Variants in UBOX5 observed in about 807,000 individuals in gnomAD.
UBOX5 encodes RING finger protein 37.
In UBOX5, 28 loss-of-function variants were observed where a neutral mutation model predicts 39.0. The ratio of observed to expected loss-of-function variants is 0.72; its 90% CI spans 0.53 to 0.98. The LOEUF is 0.98. Ranked by LOEUF, UBOX5 falls within the 50% of genes least tolerant of loss-of-function variation. The probability of loss-of-function intolerance (pLI) is 0.00; values close to 1 mark genes in which losing one functional copy is unlikely to be tolerated. For synonymous variants in UBOX5, 283 were observed against 275.5 expected (o/e 1.03, Z -0.27); for missense variants, 585 against 674.4 (o/e 0.87, Z 1.47).
intron 1 of UBOX5, among the ~76,000 whole-genome samples, chr20:3,154,364 A>T (rs1034460833): frequency 6.6e-5 from 10 of 152,250 alleles, no homozygotes; most frequent in Admixed American, 2.0e-4. Flanking sequence ...GCCAGGGAAG[A>T]CAAAAAAGTT....
intron 4 of UBOX5, among the ~76,000 whole-genome samples, chr20:3,111,307 C>G (rs1260199411): frequency 2.0e-5 from 3 of 152,034 alleles, no homozygotes; most frequent in Non-Finnish European, 4.4e-5. Flanking sequence ...TGTTTCTTAA[C>G]CCCCCTTCTC....
At chr20:3,157,774 G>A (rs1169145990) in intron 1 of UBOX5, among the ~76,000 whole-genome samples, 1 of 152,104 alleles carries the variant, frequency 6.6e-6, no homozygotes, top group Non-Finnish European at 1.5e-5. Flanking sequence ...CCAAATAAAT[G>A]GTCCAAGTAC....
chr20:3,115,326 A>G lies in UBOX5; in HGVS notation c.1396T>C (p.Trp466Arg). The change falls in exon 4 of 5, where the codon TGG (tryptophan) becomes CGG (arginine). Residue 466 changes from tryptophan to arginine, a missense_variant. Trp to Arg is a moderately radical substitution (Grantham distance 101, BLOSUM62 -3). Coordinates refer to ENST00000217173, the MANE Select transcript of UBOX5 (RefSeq NM_014948.4). ...TTACCCGAGCCGGTGCCAGGCCTCC[A>G]GGAAGTGTTGCTCCCTCTTGTGCCA... ...HLGTRGSNTS[W>R]RPGTGSEQPG... 1 of 1,612,516 alleles carries G rather than the reference A, an allele frequency of 6.2e-7. No homozygotes were observed. Among genetic ancestry groups the G allele is most frequent in the East Asian group, 2.2e-5 (1 of 44,696 alleles).
chr20:3,131,780 G>A (rs375671686), intron 1 of UBOX5, among the ~76,000 whole-genome samples: 7 of 152,136 alleles, frequency 4.6e-5, no homozygotes, highest in East Asian at 3.9e-4. Flanking sequence ...AGGCAAAGGC[G>A]GGCAAAGCAC....
chr20:3,121,825 T>A lies in UBOX5; in HGVS notation c.814A>T (p.Met272Leu). ...EFLDPITLEIMPCPMLLPSGK... is the reference protein window; with the variant it reads ...EFLDPITLEILPCPMLLPSGK... ...GAGGGCAGCAGCATGGGACAAGGCA[T>A]GATCTCCAGGGTGATGGGATCCAGG... is the stretch of plus-strand genomic sequence containing the variant. Residue 272 changes from methionine (M) to leucine (L), a missense_variant, in exon 3 of 5, where the codon ATG (methionine) becomes TTG (leucine). Transcript: ENST00000217173. 3 of 1,614,142 alleles carry A rather than the reference T, an allele frequency of 1.9e-6. No individual in the cohort carries two copies. The highest frequency in any genetic ancestry group is 1.7e-6 in the Non-Finnish European group (2 of 1,180,044).
chr20:3,143,716 C>T (rs1260747628), intron 1 of UBOX5, among the ~76,000 whole-genome samples: 2 of 152,132 alleles, frequency 1.3e-5, no homozygotes, highest in Non-Finnish European at 2.9e-5. Flanking sequence ...CTGCCTGAAC[C>T]TGGGAGGCGG....
intron 1 of UBOX5, among the ~76,000 whole-genome samples, chr20:3,137,096 A>G (rs931585087): frequency 3.3e-5 from 5 of 151,608 alleles, no homozygotes; most frequent in African/African-American, 1.2e-4. Flanking sequence ...TACAGGCATG[A>G]CCCATGCCTG....
intron 1 of UBOX5, chr20:3,151,972 G>C (rs2066630089): frequency 6.6e-6 from 1 of 151,706 alleles, no homozygotes; most frequent in Non-Finnish European, 1.5e-5. Context: ...AGGTGTGGTG[G>C]CATGAGCGTG....
chr20:3,121,723 G>A lies in UBOX5; in HGVS notation c.916C>T (p.Pro306Ser). ...GGAGTAAAAGCTACCCCCGTGAAAGGGTCACTGGGCACTCGGCCCCATGTG... is the reference window on the plus strand; with the variant it reads ...GGAGTAAAAGCTACCCCCGTGAAAGAGTCACTGGGCACTCGGCCCCATGTG... ...EATWGRVPSD[P>S]FTGVAFTPHS... is the part of the protein sequence containing the mutation. The change falls in exon 3 of 5, where the codon CCT (proline) becomes TCT (serine). Residue 306 changes from proline (P) to serine (S), a missense_variant. Pro to Ser is a moderately conservative substitution (Grantham distance 74, BLOSUM62 -1). Transcript: ENST00000217173. 1 of 1,614,040 alleles carries A rather than the reference G, an allele frequency of 6.2e-7. No individual in the cohort carries two copies. The highest frequency in any genetic ancestry group is 8.5e-7 in the Non-Finnish European group (1 of 1,180,018).
chr20:3,142,027 CTTTT>C (rs747172577), intron 1 of UBOX5, among the ~76,000 whole-genome samples: 2 of 133,836 alleles, frequency 1.5e-5, no homozygotes, highest in African/African-American at 3.2e-5. Flanking sequence ...CTTTTCTTTT[CTTTT>C]TTTTTTGCCT....
chr20:3,159,108 T>A (rs1305371990), intron 1 of UBOX5, among the ~76,000 whole-genome samples: 1 of 152,006 alleles, frequency 6.6e-6, no homozygotes, highest in Non-Finnish European at 1.5e-5. Flanking sequence ...TGTGTCACGG[T>A]TTGCACAGAA....
chr20:3,132,951 G>A (rs1339814038), intron 1 of UBOX5, among the ~76,000 whole-genome samples: 1 of 150,134 alleles, frequency 6.7e-6, no homozygotes, highest in Non-Finnish European at 1.5e-5. Context: ...GCGAGACCCA[G>A]TCTCTACAAA....
At chr20:3,142,637 G>A (rs887063212) in intron 1 of UBOX5, among the ~76,000 whole-genome samples, 3 of 150,120 alleles carry the variant, frequency 2.0e-5, no homozygotes, top group African/African-American at 4.9e-5. Context: ...GCCGGGCTTG[G>A]TGGCACACTC....
intron 1 of UBOX5, among the ~76,000 whole-genome samples, chr20:3,142,028 T>C (rs2066520997): frequency 7.5e-6 from 1 of 133,690 alleles, no homozygotes; most frequent in Admixed American, 7.2e-5. Context: ...TTTTCTTTTC[T>C]TTTTTTTTTG....
At chr20:3,132,715 G>A (rs910472807) in intron 1 of UBOX5, among the ~76,000 whole-genome samples, 3 of 151,902 alleles carry the variant, frequency 2.0e-5, no homozygotes, top group Non-Finnish European at 4.4e-5. Flanking sequence ...AGCTACTTGG[G>A]AGAGTGAAGC....
chr20:3,143,097 CTTTTTTTTTTT>C (rs35450698), intron 1 of UBOX5, among the ~76,000 whole-genome samples: 2 of 72,474 alleles, frequency 2.8e-5, no homozygotes, highest in African/African-American at 5.4e-5. Context: ...AATCATCTGT[CTTTTTTTTTTT>C]TTTTTTTTTT....
rs1181546302 is a variant in UBOX5, at chr20:3,151,047, AGTGTGTGTTTGT to A, written c.-42+8707_-42+8718del. ...CAGGTGCACACCACCAAACCCAGTT[AGTGTGTGTTTGT>A]GTGTGTGTTTGTGTGTGTGTGTGTG... On this transcript the variant is annotated intron_variant, in intron 1 of 4. Transcript: ENST00000217173. Among the ~76,000 whole-genome samples, 570 of 152,012 alleles carry A rather than the reference AGTGTGTGTTTGT, an allele frequency of 3.7e-3. 4 individuals are homozygous for A. Among genetic ancestry groups the A allele is most frequent in the African/African-American group, 0.012 (487 of 41,484 alleles).
rs77869770 is a variant in UBOX5, at chr20:3,111,972, T to C, written c.1418-1658A>G. On this transcript the variant is annotated intron_variant, in intron 4 of 4. Coordinates refer to ENST00000217173, the MANE Select transcript of UBOX5 (RefSeq NM_014948.4). ...GAGCAGGAACTGAAGTGTTCCTGCCTCCGCATCCCTGAGAACTGTAGCCAG... is the reference window on the plus strand; with the variant it reads ...GAGCAGGAACTGAAGTGTTCCTGCCCCCGCATCCCTGAGAACTGTAGCCAG... Among the ~76,000 whole-genome samples, 597 of 152,260 alleles carry C rather than the reference T, an allele frequency of 3.9e-3. 1 individual carries two copies. Among genetic ancestry groups the C allele is most frequent in the African/African-American group, 0.014 (562 of 41,540 alleles).
At chr20:3,114,575 C>T (rs1025392720) in intron 4 of UBOX5, among the ~76,000 whole-genome samples, 14 of 152,046 alleles carry the variant, frequency 9.2e-5, no homozygotes, top group African/African-American at 7.2e-5. Context: ...GGGATGAGGA[C>T]GACAAACCCA....
Sources: allele counts gnomAD v4.1 joint callset (sites outside exome capture counted in the v4.1 genomes callset), GRCh38; gene constraint gnomAD v4.1.1; transcripts MANE v1.5; gene names NCBI Gene and HGNC (gene_info 2026-07-23, HGNC 2026-07-21).